The following DIAPH3 variants were observed in gnomAD, a reference collection of about 807,000 sequenced individuals.
DIAPH3 encodes the protein diaphanous related formin 3.
In DIAPH3, 117 loss-of-function variants were observed where a neutral mutation model predicts 144.3. The observed-to-expected ratio is 0.81, with a 90% confidence interval of 0.70 to 0.95. The LOEUF (loss-of-function observed/expected upper bound fraction) is 0.95, where lower values mean the gene tolerates loss of function less well. DIAPH3 is among the 40% of genes least tolerant of loss of function. DIAPH3 has a pLI of 0.00. For missense variants in DIAPH3, 1,421 were observed against 1,412.7 expected (o/e 1.01, Z -0.09); for synonymous variants, 519 against 488.9 (o/e 1.06, Z -0.81).
intron 3 of DIAPH3, among the ~76,000 whole-genome samples, chr13:60,103,453 G>T (rs1319421943): frequency 1.3e-5 from 2 of 152,134 alleles, no homozygotes; most frequent in East Asian, 3.9e-4. Flanking sequence ...AGTTGCTGAA[G>T]ATGGTCAGGT....
At chr13:59,941,154 T>C (rs1168398900) in intron 17 of DIAPH3, among the ~76,000 whole-genome samples, 1 of 152,152 alleles carries the variant, frequency 6.6e-6, no homozygotes, top group Non-Finnish European at 1.5e-5. Context: ...GTGGTTCAAT[T>C]GCAAAAGCTG....
At chr13:59,862,730 GAT>G (rs1390169761) in intron 21 of DIAPH3, among the ~76,000 whole-genome samples, 1 of 151,876 alleles carries the variant, frequency 6.6e-6, no homozygotes, top group Non-Finnish European at 1.5e-5. Flanking sequence ...TTTTTTTCAT[GAT>G]TGCCCCCTAA....
chr13:59,819,636 A>G (rs1035595233), intron 24 of DIAPH3, among the ~76,000 whole-genome samples: 1 of 151,908 alleles, frequency 6.6e-6, no homozygotes, highest in African/African-American at 2.4e-5. Flanking sequence ...AACAAACAAA[A>G]AAAGGGTAAT....
intron 4 of DIAPH3, among the ~76,000 whole-genome samples, chr13:60,048,591 T>C (rs2056195230): frequency 6.6e-6 from 1 of 151,436 alleles, no homozygotes; most frequent in African/African-American, 2.4e-5. Flanking sequence ...TATAAAATGA[T>C]ACTATCACCC....
intron 22 of DIAPH3, among the ~76,000 whole-genome samples, chr13:59,857,875 G>A (rs2043345327): frequency 6.6e-6 from 1 of 152,156 alleles, no homozygotes; most frequent in Non-Finnish European, 1.5e-5. Context: ...TCTGCATTGA[G>A]ATGCTGAAGG....
chr13:60,036,543 A>G (rs900850050), intron 5 of DIAPH3, among the ~76,000 whole-genome samples: 2 of 152,260 alleles, frequency 1.3e-5, no homozygotes, highest in African/African-American at 4.8e-5. Flanking sequence ...CGTGGTATCA[A>G]TATCAAAGAG....
At chr13:59,847,458 G>C (rs975429568) in intron 22 of DIAPH3, among the ~76,000 whole-genome samples, 1 of 152,166 alleles carries the variant, frequency 6.6e-6, no homozygotes, top group African/African-American at 2.4e-5. Flanking sequence ...CAAGTACAAA[G>C]AGGGTATTAA....
At chr13:59,930,747 A>C (rs2047981374) in intron 17 of DIAPH3, among the ~76,000 whole-genome samples, 1 of 152,186 alleles carries the variant, frequency 6.6e-6, no homozygotes, top group Admixed American at 6.5e-5. Flanking sequence ...TTTTAGGAAA[A>C]ACTCAGGCTA....
Position 59,918,604 on chromosome 13 carries a change from G to A in DIAPH3, c.2171-2355C>T, listed in dbSNP as rs147222800. ...GAGCCAAAAATTTCCAGCCTGGGCT[G>A]CACCACCCAAAGCACTTCTAGGCTT... On this transcript the variant is annotated intron_variant, in intron 18 of 27. Transcript: ENST00000400324. 1.8e-4 allele frequency among the ~76,000 whole-genome samples: 27 copies of A among 152,218 alleles called. 1 individual carries two copies. In the East Asian group the frequency reaches 4.6e-3, roughly 26 times the overall value.
At chr13:59,714,359 CAAAAAAAAAAAAA>C (rs398022997) in intron 27 of DIAPH3, among the ~76,000 whole-genome samples, 2 of 90,102 alleles carry the variant, frequency 2.2e-5, no homozygotes, top group Non-Finnish European at 4.4e-5. Flanking sequence ...GACTCCGTCT[CAAAAAAAAAAAAA>C]AAAAAAAAAA....
intron 4 of DIAPH3, among the ~76,000 whole-genome samples, chr13:60,065,829 TTAAG>T (rs1202047227): frequency 1.3e-5 from 2 of 152,282 alleles, no homozygotes; most frequent in South Asian, 2.1e-4. Flanking sequence ...GGGTAGGTAA[TTAAG>T]TATGTTTCTA....
intron 17 of DIAPH3, among the ~76,000 whole-genome samples, chr13:59,943,800 A>G (rs955506111): frequency 3.9e-5 from 6 of 152,170 alleles, no homozygotes; most frequent in African/African-American, 1.4e-4. Flanking sequence ...AAAGTTTATT[A>G]AAAGGATAGT....
chr13:59,905,422 T>C, intron 20 of DIAPH3, among the ~76,000 whole-genome samples: 1 of 149,630 alleles, frequency 6.7e-6, no homozygotes, highest in East Asian at 2.0e-4. Context: ...ACTAGCAAGA[T>C]TAAAAAGGCC....
intron 22 of DIAPH3, among the ~76,000 whole-genome samples, chr13:59,842,607 A>G (rs911537879): frequency 6.6e-6 from 1 of 152,104 alleles, no homozygotes; most frequent in Non-Finnish European, 1.5e-5. Context: ...TCACTCCCAC[A>G]AAACTACCCT....
At chr13:59,855,908 A>G (rs1457793200) in intron 22 of DIAPH3, among the ~76,000 whole-genome samples, 2 of 151,944 alleles carry the variant, frequency 1.3e-5, no homozygotes, top group Non-Finnish European at 2.9e-5. Context: ...ATGGATATAT[A>G]TATATATGGA....
chr13:59,936,998 C>CATGG, intron 17 of DIAPH3, among the ~76,000 whole-genome samples: 1 of 151,996 alleles, frequency 6.6e-6, no homozygotes, highest in Admixed American at 6.5e-5. Flanking sequence ...CCCATCTCTA[C>CATGG]TAAAAATACA....
At chr13:59,985,167 T>C (rs1205950658) in intron 12 of DIAPH3, among the ~76,000 whole-genome samples, 1 of 136,324 alleles carries the variant, frequency 7.3e-6, no homozygotes, top group East Asian at 2.1e-4. Flanking sequence ...GCTGGCTCAA[T>C]ATACGCAAAT....
intron 25 of DIAPH3, among the ~76,000 whole-genome samples, chr13:59,806,806 AAC>A (rs1336564875): frequency 1.3e-5 from 2 of 151,922 alleles, no homozygotes; most frequent in Non-Finnish European, 2.9e-5. Flanking sequence ...TAGAAATGAT[AAC>A]ACATATTTTT....
intron 17 of DIAPH3, among the ~76,000 whole-genome samples, chr13:59,950,368 A>C (rs895557149): frequency 6.6e-6 from 1 of 152,088 alleles, no homozygotes; most frequent in African/African-American, 2.4e-5. Context: ...GCCTTTGTTC[A>C]CACTCTTGAC....
Sources: gnomAD v4.1 joint callset for allele counts (sites outside exome capture counted in the v4.1 genomes callset) on GRCh38, gnomAD v4.1.1 for gene constraint, MANE v1.5 for transcripts, NCBI Gene and HGNC (gene_info 2026-07-23, HGNC 2026-07-21) for gene names.